SCD5: variants seen among roughly 807,000 people sequenced by gnomAD.
The protein encoded by SCD5 is stearoyl-CoA desaturase 5.
In SCD5, 20 loss-of-function variants were observed where a neutral mutation model predicts 30.4. The observed-to-expected ratio is 0.66, with a 90% CI of 0.46 to 0.96. The LOEUF (loss-of-function observed/expected upper bound fraction) is 0.96. Among genes scored for constraint, SCD5 ranks in the 40% least tolerant of loss-of-function variants. The pLI is 0.00. For synonymous variants in SCD5, 173 were observed against 176.4 expected, an observed-to-expected ratio of 0.98 and a Z score of 0.16; for missense variants, 381 against 443.3, an observed-to-expected ratio of 0.86 and a Z score of 1.26.
chr4:82,664,506 G>C (rs1417992978), intron 3 of SCD5, among the ~76,000 whole-genome samples: 1 of 152,154 alleles, frequency 6.6e-6, no homozygotes, highest in Non-Finnish European at 1.5e-5. Context: ...CTCAGAAATG[G>C]CCTGGATATT....
At chr4:82,783,874 T>C (rs1272727699) in intron 1 of SCD5, among the ~76,000 whole-genome samples, 3 of 151,780 alleles carry the variant, frequency 2.0e-5, no homozygotes, top group Non-Finnish European at 2.9e-5. Flanking sequence ...GAAAGAAATG[T>C]CCAGATTTTG....
At chr4:82,637,043 T>A (rs1305204528) in intron 3 of SCD5, among the ~76,000 whole-genome samples, 1 of 152,174 alleles carries the variant, frequency 6.6e-6, no homozygotes, top group East Asian at 1.9e-4. Context: ...TTGGGACAGG[T>A]AGAATGCTAT....
intron 2 of SCD5, among the ~76,000 whole-genome samples, chr4:82,683,566 G>C (rs1241381719): frequency 6.6e-6 from 1 of 152,122 alleles, no homozygotes; most frequent in Non-Finnish European, 1.5e-5. Context: ...TTGCAGGGAG[G>C]GATCTTTTAT....
intron 2 of SCD5, among the ~76,000 whole-genome samples, chr4:82,696,922 C>A (rs945709879): frequency 5.9e-5 from 9 of 152,154 alleles, no homozygotes; most frequent in African/African-American, 2.2e-4. Context: ...GGAAAATAAA[C>A]AAAATAAGCT....
intron 2 of SCD5, among the ~76,000 whole-genome samples, chr4:82,683,689 C>G (rs914222559): frequency 7.2e-5 from 11 of 152,170 alleles, no homozygotes; most frequent in African/African-American, 2.2e-4. Flanking sequence ...GAGGGAAGGA[C>G]CTGGTGGGAG....
intron 1 of SCD5, among the ~76,000 whole-genome samples, chr4:82,788,345 A>G (rs562859652): frequency 6.6e-6 from 1 of 152,188 alleles, no homozygotes; most frequent in Non-Finnish European, 1.5e-5. Flanking sequence ...CCCCTTCCCA[A>G]TGACTGGTTT....
At chr4:82,636,452 GA>G (rs36060565) in intron 4 of SCD5, 138 bp downstream of exon 4, 25,466 of 540,156 alleles carry the variant, frequency 0.047, no homozygotes, top group East Asian at 0.073. Flanking sequence ...CTCTATCTCG[GA>G]AAAAAAAAAA....
chr4:82,693,643 T>C (rs77182074), intron 2 of SCD5, among the ~76,000 whole-genome samples: 4,319 of 152,214 alleles, frequency 0.028, 242 homozygotes, highest in African/African-American at 0.099. Context: ...GGCTCTGTGT[T>C]GGAACACCCC....
rs1251844173 is a variant in SCD5, at chr4:82,680,825, A to C, written c.451T>G (p.Phe151Val). The C allele has an allele frequency of 6.2e-7, 1 of 1,613,706 alleles. No homozygotes were observed. Residue 151 changes from phenylalanine (F) to valine (V), a missense_variant, in exon 3 of 5, where the codon TTC becomes GTC. Transcript: ENST00000319540. ...AGCCACCCAATATGGGAGAAGAAGA[A>C]GCCCCGGCGGGCATTGTGGGGGTCA... ...DADPHNARRG[F>V]FFSHIGWLFV...
At chr4:82,658,918 C>A (rs940550551) in intron 3 of SCD5, among the ~76,000 whole-genome samples, 5 of 152,086 alleles carry the variant, frequency 3.3e-5, no homozygotes, top group Admixed American at 6.5e-5. Flanking sequence ...GGTACCAGCT[C>A]CTCTTTTTAC....
At chr4:82,703,688 A>G (rs1182616370) in intron 2 of SCD5, among the ~76,000 whole-genome samples, 2 of 152,154 alleles carry the variant, frequency 1.3e-5, no homozygotes, top group East Asian at 1.9e-4. Context: ...GTTTCATGAG[A>G]AAAAAAATCA....
At chr4:82,702,128 ATCTTT>A (rs1719859096) in intron 2 of SCD5, among the ~76,000 whole-genome samples, 1 of 84,840 alleles carries the variant, frequency 1.2e-5, no homozygotes, top group East Asian at 6.0e-4. Flanking sequence ...CCCCATCATC[ATCTTT>A]TTTTTTTTTT....
intron 2 of SCD5, among the ~76,000 whole-genome samples, chr4:82,691,253 T>C (rs1979944): frequency 0.13 from 20,163 of 152,238 alleles, 1,585 homozygotes; most frequent in East Asian, 0.4. Context: ...CTCCAACTCC[T>C]GACCTCAGGT....
intron 3 of SCD5, among the ~76,000 whole-genome samples, chr4:82,674,809 T>C (rs1476939115): frequency 6.6e-6 from 1 of 152,158 alleles, no homozygotes; most frequent in Non-Finnish European, 1.5e-5. Flanking sequence ...AAATGAGCTA[T>C]GAAGTCATGA....
At chr4:82,747,069 G>GCCCCCCCCCCCCCCCCCCCC (rs151046123) in intron 1 of SCD5, among the ~76,000 whole-genome samples, 2 of 139,686 alleles carry the variant, frequency 1.4e-5, no homozygotes, top group Non-Finnish European at 3.2e-5. Flanking sequence ...TGGGCAACCT[G>GCCCCCCCCCCCCCCCCCCCC]CCCCCCAAGA....
chr4:82,649,180 G>GGTGTGTGT (rs55991339), intron 3 of SCD5, among the ~76,000 whole-genome samples: 7 of 144,120 alleles, frequency 4.9e-5, no homozygotes, highest in African/African-American at 1.3e-4. Context: ...GGGTGAGAGG[G>GGTGTGTGT]GTGTGTGTGT....
Position 82,798,517 on chromosome 4 carries a change from G to C in SCD5, c.21C>G (p.Asp7Glu). 2.5e-6 allele frequency: 4 copies of C among 1,602,308 alleles called. No individual in the cohort carries two copies. The change falls in exon 1 of 5, where the codon GAC becomes GAG. Residue 7 changes from aspartate to glutamate, a missense_variant. Asp to Glu is a conservative substitution (Grantham distance 45). Coordinates refer to ENST00000319540, the MANE Select transcript of SCD5 (RefSeq NM_001037582.3). ...CGTCGCAGAAAGGGATCTTCCCCGC[G>C]TCGGTGGCCGGGCCTGGCATGGCTG... Reference protein sequence around the residue: MPGPATDAGKIPFCDAK... With the variant: MPGPATEAGKIPFCDAK...
chr4:82,690,362 A>C (rs73829966), intron 2 of SCD5, among the ~76,000 whole-genome samples: 1 of 152,234 alleles, frequency 6.6e-6, no homozygotes, highest in African/African-American at 2.4e-5. Flanking sequence ...ACCCAAGCTC[A>C]TGATTTTCTG....
chr4:82,684,446 A>G (rs1309510763), intron 2 of SCD5, among the ~76,000 whole-genome samples: 1 of 152,196 alleles, frequency 6.6e-6, no homozygotes, highest in East Asian at 1.9e-4. Context: ...AGGGAGCAAG[A>G]TTTATATGTT....
Sources: gnomAD v4.1 joint callset for allele counts (sites outside exome capture counted in the v4.1 genomes callset) on GRCh38, gnomAD v4.1.1 for gene constraint, MANE v1.5 for transcripts, NCBI Gene and HGNC (gene_info 2026-07-23, HGNC 2026-07-21) for gene names.